Variants in FKTN observed in about 807,000 individuals in gnomAD.
The protein encoded by FKTN is fukutin.
FKTN carries 47 observed loss-of-function variants against 58.6 expected under a neutral mutation model. The observed-to-expected ratio is 0.80, with a 90% confidence interval of 0.63 to 1.02. The LOEUF (loss-of-function observed/expected upper bound fraction) is 1.02. FKTN is among the 50% of genes least tolerant of loss of function. The pLI is 0.00. For synonymous variants in FKTN, 178 were observed against 191.9 expected, an observed-to-expected ratio of 0.93 and a Z score of 0.60; for missense variants, 516 against 537.3, an observed-to-expected ratio of 0.96 and a Z score of 0.39.
At position 105,576,266 on chromosome 9, in the gene FKTN, A is replaced by G. The variant is rs543091224; in HGVS notation, c.105+1129A>G. 4.0e-5 allele frequency among the ~76,000 whole-genome samples: 6 copies of G among 151,480 alleles called. No homozygotes were observed. The South Asian group carries it at 1.3e-3, about 32-fold the overall frequency. ...TTTGCCGTGCTGGTGTGCTGCACCC[A>G]CTAACTCGTCATCTAGCATTAGGTA... On this transcript the variant is annotated intron_variant, in intron 3 of 10. Coordinates refer to ENST00000357998, the MANE Select transcript of FKTN (RefSeq NM_001079802.2).
chr9:105,637,322 TG>T lies in FKTN; in HGVS notation c.*2059del. ...TTCCTGAAGTACAAAGTCTTAAGAGTGTCTGAAATCCAAGACATCTTGGCCC... is the reference window on the plus strand; with the variant it reads ...TTCCTGAAGTACAAAGTCTTAAGAGTTCTGAAATCCAAGACATCTTGGCCC... On this transcript the variant is annotated 3_prime_UTR_variant, in exon 11 of 11. Coordinates refer to ENST00000357998, the MANE Select transcript of FKTN (RefSeq NM_001079802.2). The T allele has an allele frequency of 9.1e-6, 9 of 985,184 alleles. No individual in the cohort carries two copies. The highest frequency in any genetic ancestry group is 1.1e-5 in the Non-Finnish European group (9 of 829,780). The allele number at this position is 985,184 out of a possible 1,614,324, so 61.0% of individuals were successfully genotyped here.
chr9:105,639,004 T>C lies in FKTN; in HGVS notation c.*3740T>C. The C allele has an allele frequency of 2.0e-6, 2 of 985,390 alleles. No individual in the cohort carries two copies. Among genetic ancestry groups the C allele is most frequent in the South Asian group, 4.7e-5 (1 of 21,288 alleles). 61.0% of individuals were successfully genotyped at this position (985,390 alleles called of 1,614,324 possible). On this transcript the variant is annotated 3_prime_UTR_variant, in exon 11 of 11. Coordinates refer to ENST00000357998, the MANE Select transcript of FKTN (RefSeq NM_001079802.2). ...CAGTCTAAAATCTCACCCAAACTTA[T>C]GGCTACATATTTTTCTAAGTTTCCC...
chr9:105,630,150 T>C (rs921506608), intron 10 of FKTN, among the ~76,000 whole-genome samples: 3 of 151,876 alleles, frequency 2.0e-5, no homozygotes, highest in Admixed American at 1.3e-4. Context: ...TGTATACATA[T>C]GTAACAAACT....
At chr9:105,612,048 G>GT (rs1025090260) in intron 7 of FKTN, among the ~76,000 whole-genome samples, 85 of 148,944 alleles carry the variant, frequency 5.7e-4, no homozygotes, top group African/African-American at 1.3e-3. Context: ...TATTTTATTA[G>GT]TTTTTTTTTA....
chr9:105,595,632 TC>T (rs1826637533), intron 3 of FKTN, among the ~76,000 whole-genome samples: 1 of 152,246 alleles, frequency 6.6e-6, no homozygotes, highest in Admixed American at 6.5e-5. Flanking sequence ...TCCCTTCCTC[TC>T]CCCTTCCAAT....
intron 10 of FKTN, chr9:105,624,441 A>G (rs1287305878): frequency 6.6e-6 from 1 of 152,018 alleles, no homozygotes; most frequent in Non-Finnish European, 1.5e-5. Context: ...CAGCTTGGGC[A>G]ACAGAATAAA....
intron 10 of FKTN, among the ~76,000 whole-genome samples, chr9:105,626,495 G>T (rs1451965091): frequency 6.6e-6 from 1 of 151,986 alleles, no homozygotes; most frequent in Admixed American, 6.6e-5. Context: ...ACCTCCCAAA[G>T]GTCTTACCTC....
At position 105,639,770 on chromosome 9, in the gene FKTN, C is replaced by T; in HGVS notation, c.*4506C>T. On this transcript the variant is annotated 3_prime_UTR_variant, in exon 11 of 11. Coordinates refer to ENST00000357998, the MANE Select transcript of FKTN (RefSeq NM_001079802.2). ...CTTCTCTCAATAGAACTTGTATTTT[C>T]ATTTTCTTGGTTAAGCAGTTGTCTC... 9.2e-7 allele frequency: 1 copy of T among 1,083,538 alleles called. No individual in the cohort carries two copies. The highest frequency in any genetic ancestry group is 1.1e-6 in the Non-Finnish European group (1 of 892,900). 67.1% of individuals were successfully genotyped at this position (1,083,538 alleles called of 1,614,324 possible).
Position 105,601,262 on chromosome 9 carries a change from C to T in FKTN, c.283C>T (p.His95Tyr). 1 of 1,612,424 alleles carries T rather than the reference C, an allele frequency of 6.2e-7. No individual in the cohort carries two copies. The highest frequency in any genetic ancestry group is 1.1e-5 in the South Asian group (1 of 91,036). ...KNFEQVKNTSHGSTSQCKFFC... is the reference protein window; with the variant it reads ...KNFEQVKNTSYGSTSQCKFFC... ...CTTTGAACAAGTCAAAAATACTTCT[C>T]ATGGCTCTACTTCACAATGCAAGTT... The change falls in exon 5 of 11, where the codon CAT (histidine) becomes TAT (tyrosine). Residue 95 changes from histidine to tyrosine, a missense_variant. Coordinates refer to ENST00000357998, the MANE Select transcript of FKTN (RefSeq NM_001079802.2).
chr9:105,621,827 A>C (rs1434886475), intron 10 of FKTN, among the ~76,000 whole-genome samples: 2 of 152,086 alleles, frequency 1.3e-5, no homozygotes, highest in Non-Finnish European at 2.9e-5. Flanking sequence ...CTATTGATGA[A>C]TATTTAGGCT....
intron 5 of FKTN, among the ~76,000 whole-genome samples, chr9:105,602,790 C>T (rs1013057354): frequency 6.6e-6 from 1 of 152,008 alleles, no homozygotes; most frequent in African/African-American, 2.4e-5. Flanking sequence ...GAACTCCTGA[C>T]CTCAAATGAT....
intron 10 of FKTN, among the ~76,000 whole-genome samples, chr9:105,622,265 A>G (rs939582686): frequency 8.6e-5 from 13 of 152,014 alleles, no homozygotes; most frequent in Admixed American, 7.9e-4. Flanking sequence ...CTTTATAATA[A>G]CCTATTTTTT....
intron 3 of FKTN, among the ~76,000 whole-genome samples, chr9:105,592,405 G>A (rs114450556): frequency 6.6e-6 from 1 of 152,108 alleles, no homozygotes; most frequent in Admixed American, 6.5e-5. Flanking sequence ...TTGGTAGGCC[G>A]AGTTGGGTGG....
intron 1 of FKTN, among the ~76,000 whole-genome samples, chr9:105,567,391 A>G (rs1046869560): frequency 1.5e-4 from 23 of 152,346 alleles, no homozygotes; most frequent in African/African-American, 5.0e-4. Context: ...TTGTATATCT[A>G]GAAAACCCCA....
At chr9:105,579,897 A>T (rs1003684958) in intron 3 of FKTN, among the ~76,000 whole-genome samples, 7 of 151,866 alleles carry the variant, frequency 4.6e-5, no homozygotes, top group Non-Finnish European at 8.8e-5. Flanking sequence ...TTCTTGTTGA[A>T]TTGATCCCTT....
At chr9:105,632,719 A>C (rs919021781) in intron 10 of FKTN, among the ~76,000 whole-genome samples, 4 of 152,190 alleles carry the variant, frequency 2.6e-5, no homozygotes, top group Non-Finnish European at 5.9e-5. Context: ...TTTTATGTAA[A>C]AATAATATGA....
In FKTN at chr9:105,635,189, G is replaced by A. The variant is rs904253784; in HGVS notation, c.1311G>A (p.Lys437=). ...WKIPVKTWDW[K]RSPPNVQPNG... The stretch of plus-strand genomic sequence containing the variant: ...TTCCTGTAAAGACGTGGGACTGGAA[G>A]CGCTCTCCTCCCAATGTGCAACCCA... Residue 437 remains lysine, a synonymous_variant, in exon 11 of 11, where the codon AAG becomes AAA. Transcript: ENST00000357998. The A allele has an allele frequency of 6.2e-7, 1 of 1,614,064 alleles. No individual in the cohort carries two copies. Among genetic ancestry groups the A allele is most frequent in the African/African-American group, 1.3e-5 (1 of 74,924 alleles).
At chr9:105,559,885 G>A (rs893082814) in intron 1 of FKTN, among the ~76,000 whole-genome samples, 2 of 152,132 alleles carry the variant, frequency 1.3e-5, no homozygotes, top group Admixed American at 6.5e-5. Context: ...TACCCACAGA[G>A]AGGAGGTTGG....
chr9:105,576,036 G>C (rs1361837767), intron 3 of FKTN, among the ~76,000 whole-genome samples: 1 of 152,042 alleles, frequency 6.6e-6, no homozygotes, highest in African/African-American at 2.4e-5. Context: ...GATTTGTGAG[G>C]GAGGAAATAG....
Sources: allele counts gnomAD v4.1 joint callset (sites outside exome capture counted in the v4.1 genomes callset), GRCh38; gene constraint gnomAD v4.1.1; transcripts MANE v1.5; gene names NCBI Gene and HGNC (gene_info 2026-07-23, HGNC 2026-07-21).